SMIM7: variants seen among roughly 807,000 people sequenced by gnomAD.
The protein encoded by SMIM7 is UPF0608 protein C19orf42.
SMIM7 carries 12 observed loss-of-function variants against 13.3 expected under a neutral mutation model. The observed-to-expected ratio is 0.90, with a 90% CI of 0.58 to 1.46. The LOEUF is 1.46. Ranked by LOEUF, SMIM7 falls within the 40% of genes most tolerant of loss-of-function variation. The pLI is 0.00. For synonymous variants in SMIM7, 36 were observed against 35.8 expected (o/e 1.01, Z -0.02); for missense variants, 114 against 94.8 (o/e 1.20, Z -0.84).
At chr19:16,652,633 C>CATG (rs901073034) in intron 4 of SMIM7, 1 of 1,338,466 alleles carries the variant, frequency 7.5e-7, no homozygotes, top group African/African-American at 1.5e-5. Context: ...GGGAATACAT[C>CATG]ACGGTCCTTG....
intron 4 of SMIM7, 48 bp from the exon 5 acceptor site, chr19:16,647,309 G>A (rs761599725): frequency 1.2e-6 from 2 of 1,609,494 alleles, no homozygotes; most frequent in South Asian, 1.1e-5. Flanking sequence ...GGAGGTGACT[G>A]TTCTAAAAAT....
chr19:16,659,603 C>T, intron 2 of SMIM7, 156 bp from the exon 3 acceptor site: 1 of 746,984 alleles, frequency 1.3e-6, no homozygotes, highest in Non-Finnish European at 2.2e-6. Context: ...TTCTCTGGGC[C>T]CCCACTGCCC....
chr19:16,649,886 T>C (rs2086498103), intron 4 of SMIM7, among the ~76,000 whole-genome samples: 1 of 152,034 alleles, frequency 6.6e-6, no homozygotes. Context: ...CCATGCAGTG[T>C]ATGACTCCAT....
At chr19:16,644,274 C>T (rs1256050014), downstream of SMIM7, among the ~76,000 whole-genome samples, 2 of 151,152 alleles carry the variant, frequency 1.3e-5, no homozygotes, top group African/African-American at 2.4e-5. Flanking sequence ...GCGCACGCCA[C>T]CACACCTGGC....
intron 3 of SMIM7, chr19:16,655,385 A>G: frequency 2.2e-6 from 1 of 456,090 alleles, no homozygotes; most frequent in South Asian, 1.5e-5. Flanking sequence ...AATGAAAAGA[A>G]TGGGTCCAGA....
rs183604633 is a variant in SMIM7 at position 16,647,080 on chromosome 19, G to A, written c.*166C>T. ...TATCTTTGAAAACAGGGACGTGGCT[G>A]GGAAACCATGCACACCTCGGCGAAC... On this transcript the variant is annotated 3_prime_UTR_variant, in exon 5 of 5. Coordinates refer to ENST00000487416, the MANE Select transcript of SMIM7 (RefSeq NM_024104.4). 11 of 780,498 alleles carry A rather than the reference G, an allele frequency of 1.4e-5. No individual in the cohort carries two copies. The highest frequency in any genetic ancestry group is 2.3e-5 in the Non-Finnish European group (11 of 470,448). The allele number at this position is 780,498 out of a possible 1,614,324, so 48.3% of individuals were successfully genotyped here. A position where few individuals can be genotyped will look rare whatever the true frequency, so the allele number is the denominator to read the frequency against.
chr19:16,656,177 C>T (rs187689284), intron 3 of SMIM7, among the ~76,000 whole-genome samples: 64 of 151,658 alleles, frequency 4.2e-4, no homozygotes, highest in African/African-American at 1.2e-3. Context: ...CCTGAGGTCG[C>T]GAGTTTGAGA....
intron 4 of SMIM7, chr19:16,633,689 C>T (rs561253056): frequency 6.6e-6 from 1 of 152,240 alleles, no homozygotes; most frequent in Admixed American, 6.5e-5. Context: ...TGCCACTACA[C>T]TCTGGCCTGG....
intron 4 of SMIM7, among the ~76,000 whole-genome samples, chr19:16,633,184 C>T (rs758779000): frequency 6.6e-6 from 1 of 151,900 alleles, no homozygotes; most frequent in Non-Finnish European, 1.5e-5. Flanking sequence ...TGGCCAGGCG[C>T]GGTGGCTCAC....
intron 3 of SMIM7, 99 bp from the exon 4 acceptor site, chr19:16,654,224 G>T: frequency 1.1e-6 from 1 of 919,318 alleles, no homozygotes; most frequent in Non-Finnish European, 1.7e-6. Flanking sequence ...CCCGGCGCTT[G>T]CTGCCTCCAA....
chr19:16,641,871 G>A (rs146374765), downstream of SMIM7, among the ~76,000 whole-genome samples: 1 of 152,304 alleles, frequency 6.6e-6, no homozygotes, highest in Non-Finnish European at 1.5e-5. Context: ...GTGAGCCACC[G>A]CACCCGGCTC....
chr19:16,658,685 C>A (rs1006434206), intron 3 of SMIM7, among the ~76,000 whole-genome samples: 1 of 152,124 alleles, frequency 6.6e-6, no homozygotes, highest in Admixed American at 6.6e-5. Context: ...TTAAAAGTGG[C>A]AGGTCTGCAG....
chr19:16,642,454 G>A (rs2086410496), downstream of SMIM7, among the ~76,000 whole-genome samples: 1 of 152,114 alleles, frequency 6.6e-6, no homozygotes, highest in Non-Finnish European at 1.5e-5. Context: ...GGAGGCTGAG[G>A]CATGAGAATT....
chr19:16,640,194 A>T (rs1278791085), intron 4 of SMIM7: 1 of 152,202 alleles, frequency 6.6e-6, no homozygotes. Flanking sequence ...TTCTCCTGTC[A>T]GCCTTCCAAG....
intron 3 of SMIM7, among the ~76,000 whole-genome samples, chr19:16,657,400 G>C (rs2086609891): frequency 6.6e-6 from 1 of 152,220 alleles, no homozygotes; most frequent in Admixed American, 6.5e-5. Context: ...CTAGGGCCTG[G>C]TAGTGCCTTC....
intron 4 of SMIM7, among the ~76,000 whole-genome samples, chr19:16,651,762 G>A (rs1248378222): frequency 6.8e-6 from 1 of 147,830 alleles, no homozygotes; most frequent in Non-Finnish European, 1.5e-5. Flanking sequence ...AATGAGAGAA[G>A]CATGCTGACT....
At chr19:16,647,654 C>T (rs577184107) in intron 4 of SMIM7, among the ~76,000 whole-genome samples, 1 of 151,968 alleles carries the variant, frequency 6.6e-6, no homozygotes, top group South Asian at 2.1e-4. Flanking sequence ...TGGGGTTTCA[C>T]CATGTTGGCT....
intron 4 of SMIM7, 31 bp from the exon 5 acceptor site, chr19:16,647,292 G>A (rs770340953): frequency 3.1e-6 from 5 of 1,613,548 alleles, no homozygotes; most frequent in South Asian, 1.1e-5. Flanking sequence ...AAATGTCTGT[G>A]AGGATAGGAG....
At chr19:16,636,562 G>C (rs1288189941) in intron 4 of SMIM7, 1 of 152,192 alleles carries the variant, frequency 6.6e-6, no homozygotes, top group Admixed American at 6.5e-5. Flanking sequence ...GTAGAGACAA[G>C]GTCTCACCAT....
Sources: gnomAD v4.1 joint callset for allele counts (sites outside exome capture counted in the v4.1 genomes callset) on GRCh38, gnomAD v4.1.1 for gene constraint, MANE v1.5 for transcripts, NCBI Gene and HGNC (gene_info 2026-07-23, HGNC 2026-07-21) for gene names.